The following OSBPL2 variants were observed in gnomAD, a reference collection of about 807,000 sequenced individuals.
The protein encoded by OSBPL2 is oxysterol binding protein like 2, also known as oxysterol-binding protein-related protein 2.
OSBPL2 carries 18 observed loss-of-function variants against 58.4 expected under a neutral mutation model. That is an observed-to-expected ratio of 0.31 (90% confidence interval 0.21 to 0.46). OSBPL2 has a LOEUF of 0.46. OSBPL2 is among the 20% of genes least tolerant of loss of function. OSBPL2 has a pLI of 1.00. For synonymous variants in OSBPL2, 221 were observed against 234.1 expected, an observed-to-expected ratio of 0.94 and a Z score of 0.51; for missense variants, 461 against 616.5, an observed-to-expected ratio of 0.75 and a Z score of 2.67.
chr20:62,267,745 C>G (rs1047979330), intron 4 of OSBPL2, among the ~76,000 whole-genome samples: 3 of 152,212 alleles, frequency 2.0e-5, no homozygotes, highest in African/African-American at 7.2e-5. Context: ...GCAGTTGTGA[C>G]TCACTCACTT....
Position 62,270,397 on chromosome 20 carries a change from C to T in OSBPL2, c.259-1728C>T, listed in dbSNP as rs531988862. 4.9e-5 allele frequency among the ~76,000 whole-genome samples: 7 copies of T among 142,694 alleles called. No individual in the cohort carries two copies. In the East Asian group the frequency reaches 1.3e-3, roughly 27 times the overall value. The allele number at this position is 142,694 out of a possible 152,430, so 93.6% of individuals were successfully genotyped here. ...TCCCTCCCTGACCTCTCTGGGTCCT[C>T]TCCTTGTCCCTCTCTGGCCTCTCTG... On this transcript the variant is annotated intron_variant, in intron 4 of 13. Coordinates refer to ENST00000313733, the MANE Select transcript of OSBPL2 (RefSeq NM_144498.4).
intron 12 of OSBPL2, 31 bp downstream of exon 12, chr20:62,289,361 G>A: frequency 6.2e-7 from 1 of 1,607,326 alleles, no homozygotes; most frequent in Non-Finnish European, 8.5e-7. Context: ...GAGGAAGCTT[G>A]GGGCCAAGGA....
chr20:62,278,730 C>T lies in OSBPL2; in HGVS notation c.492-427C>T, dbSNP rs192100392. 6.2e-3 allele frequency: 861 copies of T among 139,388 alleles called. 9 individuals carry two copies. The highest frequency in any genetic ancestry group is 0.014 in the Middle Eastern group (3 of 208). The allele number at this position is 139,388 out of a possible 1,614,324, so 8.6% of individuals were successfully genotyped here. On this transcript the variant is annotated intron_variant, in intron 6 of 13. Coordinates refer to ENST00000313733, the MANE Select transcript of OSBPL2 (RefSeq NM_144498.4). Reference sequence around the variant, plus strand: ...GCCAACATTAGGCCAAGTGCGATGTCATGTTTGTGTGTGTGTTGCCAACGT... The same window carrying T: ...GCCAACATTAGGCCAAGTGCGATGTTATGTTTGTGTGTGTGTTGCCAACGT...
Position 62,255,900 on chromosome 20 carries a change from A to G in OSBPL2, c.-128-157A>G, listed in dbSNP as rs538511272. Among the ~76,000 whole-genome samples the G allele has an allele frequency of 2.5e-3, 384 of 152,334 alleles. 1 individual carries two copies. Among genetic ancestry groups the G allele is most frequent in the Middle Eastern group, 0.014 (4 of 294 alleles). On this transcript the variant is annotated intron_variant, in intron 1 of 13. Coordinates refer to ENST00000313733, the MANE Select transcript of OSBPL2 (RefSeq NM_144498.4). ...CCGTTATAAATGCTCCCTCTCGTTT[A>G]CTTTTTGAAATTATGTTTGTGATGT...
rs557863707 is a variant in OSBPL2 at position 62,245,463 on chromosome 20, C to T, written c.-129+6866C>T. On this transcript the variant is annotated intron_variant, in intron 1 of 13. Transcript: ENST00000313733. Reference sequence around the variant, plus strand: ...TAGGGAGCTGGTTTGTGATGAGCCACGTAGAGCCCCACGCTAAGAAGAACC... The same window carrying T: ...TAGGGAGCTGGTTTGTGATGAGCCATGTAGAGCCCCACGCTAAGAAGAACC... 4.3e-4 allele frequency among the ~76,000 whole-genome samples: 66 copies of T among 152,296 alleles called. 1 individual carries two copies. Among genetic ancestry groups the T allele is most frequent in the African/African-American group, 1.4e-3 (60 of 41,558 alleles).
chr20:62,289,023 A>G (rs1983319570), intron 11 of OSBPL2, among the ~76,000 whole-genome samples, 184 bp from the exon 12 acceptor site: 1 of 152,186 alleles, frequency 6.6e-6, no homozygotes, highest in African/African-American at 2.4e-5. Context: ...GCAGTGCATG[A>G]TACGTGCTTA....
chr20:62,253,710 G>A (rs1200725656), intron 1 of OSBPL2, among the ~76,000 whole-genome samples: 1 of 149,128 alleles, frequency 6.7e-6, no homozygotes, highest in Non-Finnish European at 1.5e-5. Flanking sequence ...AGAGGAGAGA[G>A]GGAAAGGGAG....
chr20:62,245,748 G>A (rs1196756695), intron 1 of OSBPL2, among the ~76,000 whole-genome samples: 19 of 152,206 alleles, frequency 1.2e-4, no homozygotes, highest in Admixed American at 1.2e-3. Flanking sequence ...GGCTGCAGAT[G>A]GTGACGAGGA....
chr20:62,268,691 C>A (rs1160819656), intron 4 of OSBPL2, among the ~76,000 whole-genome samples: 1 of 152,184 alleles, frequency 6.6e-6, no homozygotes, highest in South Asian at 2.1e-4. Context: ...CCTCAAACTC[C>A]TGGGCTTAAG....
At chr20:62,263,729 C>T (rs377044702) in intron 4 of OSBPL2, 38 bp downstream of exon 4, 15 of 1,551,096 alleles carry the variant, frequency 9.7e-6, no homozygotes, top group Non-Finnish European at 1.3e-5. Context: ...TGGGGCTGCA[C>T]CACTGACTCC....
intron 8 of OSBPL2, chr20:62,281,587 G>A (rs1982787639): frequency 7.3e-6 from 4 of 550,598 alleles, no homozygotes; most frequent in Non-Finnish European, 1.3e-5. Flanking sequence ...ACACTTAAGT[G>A]ATTTTTAGTA....
At chr20:62,243,615 T>A (rs1278249952) in intron 1 of OSBPL2, among the ~76,000 whole-genome samples, 1 of 152,108 alleles carries the variant, frequency 6.6e-6, no homozygotes, top group Non-Finnish European at 1.5e-5. Context: ...AGCCCCAGCT[T>A]CACTGAGCCT....
Position 62,281,272 on chromosome 20 carries a change from G to A in OSBPL2, c.782+107G>A, listed in dbSNP as rs187958434. ...CTGGTGGGTTTTAGCTCAGCCTCACGAGCTGCTGCCGTGTCCCCGCCAGCC... is the reference window on the plus strand; with the variant it reads ...CTGGTGGGTTTTAGCTCAGCCTCACAAGCTGCTGCCGTGTCCCCGCCAGCC... On this transcript the variant is annotated intron_variant, in intron 8 of 13. Coordinates refer to ENST00000313733, the MANE Select transcript of OSBPL2 (RefSeq NM_144498.4). 1,696 of 761,062 alleles carry A rather than the reference G, an allele frequency of 2.2e-3. 10 individuals carry two copies. The highest frequency in any genetic ancestry group is 0.013 in the East Asian group (502 of 37,374). The allele number at this position is 761,062 out of a possible 1,614,324, so 47.1% of individuals were successfully genotyped here. A position where few individuals can be genotyped will look rare whatever the true frequency, so the allele number is the denominator to read the frequency against.
rs4925225 is a variant in OSBPL2 at position 62,284,325 on chromosome 20, A to G, written c.996+156A>G. On this transcript the variant is annotated intron_variant, in intron 10 of 13. Coordinates refer to ENST00000313733, the MANE Select transcript of OSBPL2 (RefSeq NM_144498.4). ...GAATTTGTCTGTCCAGATGAACCAT[A>G]TATTGTGGGTTCCAGTATCAGTGAG... 0.99 allele frequency: 759,326 copies of G among 765,016 alleles called. 376,975 individuals carry two copies. Among genetic ancestry groups the G allele is most frequent in the Non-Finnish European group, 1 (464,495 of 464,836 alleles). The allele number at this position is 765,016 out of a possible 1,614,324, so 47.4% of individuals were successfully genotyped here. A position where few individuals can be genotyped will look rare whatever the true frequency, so the allele number is the denominator to read the frequency against.
At chr20:62,270,459 C>T (rs550108252) in intron 4 of OSBPL2, among the ~76,000 whole-genome samples, 3 of 92,742 alleles carry the variant, frequency 3.2e-5, no homozygotes, top group Non-Finnish European at 6.7e-5. Flanking sequence ...TCTCTGGGTC[C>T]TCTCCTTGTC....
intron 6 of OSBPL2, among the ~76,000 whole-genome samples, chr20:62,273,819 A>G (rs1982222600): frequency 6.6e-6 from 1 of 152,198 alleles, no homozygotes; most frequent in African/African-American, 2.4e-5. Context: ...AAGCAGGTAA[A>G]TCCAAACACA....
At chr20:62,250,155 G>C (rs1292136845) in intron 1 of OSBPL2, among the ~76,000 whole-genome samples, 1 of 152,244 alleles carries the variant, frequency 6.6e-6, no homozygotes, top group Non-Finnish European at 1.5e-5. Context: ...CTGGCACCAG[G>C]TAGGCTCTCT....
intron 13 of OSBPL2, 46 bp from the exon 14 acceptor site, chr20:62,293,739 C>CT: frequency 1.3e-6 from 2 of 1,587,238 alleles, no homozygotes; most frequent in Non-Finnish European, 1.7e-6. Context: ...CTGCGTTTTC[C>CT]TTTTGGGCTG....
chr20:62,279,595 T>G (rs1156599474), intron 7 of OSBPL2: 3 of 542,902 alleles, frequency 5.5e-6, no homozygotes, highest in Non-Finnish European at 9.8e-6. Flanking sequence ...GGGTCCCATG[T>G]TGCTGGGGTG....
Sources: allele counts gnomAD v4.1 joint callset (sites outside exome capture counted in the v4.1 genomes callset), GRCh38; gene constraint gnomAD v4.1.1; transcripts MANE v1.5; gene names NCBI Gene and HGNC (gene_info 2026-07-23, HGNC 2026-07-21).